CLIC5: variants seen among roughly 807,000 people sequenced by gnomAD.
CLIC5 encodes CLIC family member 5.
A neutral mutation model predicts 24.7 loss-of-function variants in CLIC5; 20 were observed. The observed-to-expected ratio is 0.81, with a 90% CI of 0.57 to 1.18. The LOEUF (loss-of-function observed/expected upper bound fraction) is 1.18, where lower values mean the gene tolerates loss of function less well. CLIC5 is among the 50% of genes most tolerant of loss of function. CLIC5 has a pLI of 0.00. For synonymous variants in CLIC5, 159 were observed against 135.6 expected (o/e 1.17, Z -1.20); for missense variants, 341 against 326.1 (o/e 1.05, Z -0.35).
chr6:46,045,691 A>G (rs1394769337), intron 1 of CLIC5, among the ~76,000 whole-genome samples: 1 of 152,226 alleles, frequency 6.6e-6, no homozygotes, highest in Non-Finnish European at 1.5e-5. Context: ...TTCAAAGTCA[A>G]AATAATTTTA....
At chr6:45,982,975 G>A (rs770402025) in intron 1 of CLIC5, among the ~76,000 whole-genome samples, 2 of 152,188 alleles carry the variant, frequency 1.3e-5, no homozygotes, top group Non-Finnish European at 2.9e-5. Context: ...GGTGAGAAAC[G>A]ATTCAAGCAT....
At chr6:46,069,234 C>T (rs1186353190) in intron 1 of CLIC5, among the ~76,000 whole-genome samples, 1 of 152,098 alleles carries the variant, frequency 6.6e-6, no homozygotes, top group African/African-American at 2.4e-5. Flanking sequence ...TATGCATTCG[C>T]TCCATCCTGG....
At chr6:46,011,336 C>T (rs143690247) in intron 1 of CLIC5, among the ~76,000 whole-genome samples, 6 of 152,332 alleles carry the variant, frequency 3.9e-5, no homozygotes, top group Non-Finnish European at 5.9e-5. Context: ...GCAAGGCCAC[C>T]TATGTCAGCG....
intron 1 of CLIC5, among the ~76,000 whole-genome samples, chr6:45,966,231 A>T (rs1339349790): frequency 1.3e-5 from 2 of 152,184 alleles, no homozygotes; most frequent in Admixed American, 1.3e-4. Flanking sequence ...TACATCTGAG[A>T]ACTTATGAAA....
intron 5 of CLIC5, among the ~76,000 whole-genome samples, chr6:45,907,816 G>A (rs906675935): frequency 3.9e-5 from 6 of 152,138 alleles, no homozygotes; most frequent in African/African-American, 1.2e-4. Context: ...GCCTTTTGGT[G>A]AAGTCTGTAG....
intron 1 of CLIC5, among the ~76,000 whole-genome samples, chr6:46,003,341 C>T (rs1215128854): frequency 1.3e-5 from 2 of 152,188 alleles, no homozygotes; most frequent in African/African-American, 4.8e-5. Flanking sequence ...CCTTTTCCCT[C>T]TTCCATCCCC....
At chr6:45,943,888 C>T (rs1163192655) in intron 3 of CLIC5, among the ~76,000 whole-genome samples, 1 of 152,092 alleles carries the variant, frequency 6.6e-6, no homozygotes, top group Non-Finnish European at 1.5e-5. Flanking sequence ...GTGGGAAGTG[C>T]GTCTCTAAGA....
At chr6:46,096,480 C>T in the CLIC5 span, among the ~76,000 whole-genome samples, 1 of 152,216 alleles carries the variant, frequency 6.6e-6, no homozygotes, top group Non-Finnish European at 1.5e-5. Context: ...CTTCAGTCAT[C>T]CGAAGGTTTG....
intron 1 of CLIC5, among the ~76,000 whole-genome samples, chr6:46,029,685 A>G (rs1445052256): frequency 6.6e-6 from 1 of 152,202 alleles, no homozygotes; most frequent in Non-Finnish European, 1.5e-5. Context: ...TTCTTACAAA[A>G]AAAAAAGTGT....
chr6:46,041,230 T>C (rs1309423608), intron 1 of CLIC5, among the ~76,000 whole-genome samples: 2 of 152,176 alleles, frequency 1.3e-5, no homozygotes, highest in African/African-American at 4.8e-5. Flanking sequence ...GTGCATAGAG[T>C]TTAATAAAGG....
At chr6:46,004,189 C>T (rs1369535484) in intron 1 of CLIC5, among the ~76,000 whole-genome samples, 4 of 152,188 alleles carry the variant, frequency 2.6e-5, no homozygotes, top group African/African-American at 7.2e-5. Context: ...CAGTATTAAG[C>T]ATGGTCAACA....
intron 1 of CLIC5, among the ~76,000 whole-genome samples, chr6:46,012,241 C>T (rs937225668): frequency 6.6e-6 from 1 of 152,124 alleles, no homozygotes; most frequent in African/African-American, 2.4e-5. Flanking sequence ...TTTAAGAGGG[C>T]CAGTGAGGCT....
intron 1 of CLIC5, among the ~76,000 whole-genome samples, chr6:45,971,726 C>G (rs930474352): frequency 1.3e-5 from 2 of 152,142 alleles, no homozygotes; most frequent in Non-Finnish European, 2.9e-5. Context: ...TCTGAGGTCT[C>G]AACTAGGATT....
chr6:46,002,310 A>T (rs769397128), intron 1 of CLIC5, among the ~76,000 whole-genome samples: 3 of 152,170 alleles, frequency 2.0e-5, no homozygotes, highest in Non-Finnish European at 4.4e-5. Flanking sequence ...CTTAGAATGG[A>T]AGAAGAGCCG....
chr6:45,962,163 CAT>C (rs988485631), intron 1 of CLIC5, among the ~76,000 whole-genome samples: 97 of 148,910 alleles, frequency 6.5e-4, no homozygotes, highest in African/African-American at 2.2e-3. Context: ...ATTATAATAA[CAT>C]AATATTATAT....
At chr6:45,923,573 C>T (rs1763357803) in intron 4 of CLIC5, among the ~76,000 whole-genome samples, 1 of 152,236 alleles carries the variant, frequency 6.6e-6, no homozygotes, top group Admixed American at 6.5e-5. Context: ...ATTTGTTAAA[C>T]AGGCATCTAT....
intron 1 of CLIC5, among the ~76,000 whole-genome samples, chr6:45,970,063 A>G (rs9472634): frequency 1.3e-5 from 2 of 152,122 alleles, no homozygotes; most frequent in Non-Finnish European, 2.9e-5. Flanking sequence ...CTCTGGGCCC[A>G]TTCCTCCTTC....
At position 45,884,483 on chromosome 6, in the gene CLIC5, C is replaced by T. The variant is rs1201982937; in HGVS notation, c.624-3295G>A. On this transcript the variant is annotated intron_variant, in intron 6 of 6. Transcript: ENST00000644324. ...AGCGGAATATGTACTTTCCGCTGAT[C>T]AGGAAAGACAATTCTCCTGGGCAGC... Among the ~76,000 whole-genome samples the T allele has an allele frequency of 5.9e-5, 9 of 152,188 alleles. No homozygotes were observed. In the East Asian group the frequency reaches 1.7e-3, roughly 29 times the overall value.
At chr6:45,993,647 T>G (rs1581836871) in intron 1 of CLIC5, among the ~76,000 whole-genome samples, 1 of 152,222 alleles carries the variant, frequency 6.6e-6, no homozygotes, top group Non-Finnish European at 1.5e-5. Context: ...CAATCACATT[T>G]CTAACCCTGA....
Sources: gnomAD v4.1 joint callset for allele counts (sites outside exome capture counted in the v4.1 genomes callset) on GRCh38, gnomAD v4.1.1 for gene constraint, MANE v1.5 for transcripts, NCBI Gene and HGNC (gene_info 2026-07-23, HGNC 2026-07-21) for gene names.